The following CLIC5 variants were observed in gnomAD, a reference collection of about 807,000 sequenced individuals.
The protein encoded by CLIC5 is chloride intracellular channel protein 5.
In CLIC5, 20 loss-of-function variants were observed where a neutral mutation model predicts 24.7. The ratio of observed to expected loss-of-function variants is 0.81; its 90% confidence interval spans 0.57 to 1.18. The LOEUF (loss-of-function observed/expected upper bound fraction) is 1.18. Among genes scored for constraint, CLIC5 ranks in the 50% most tolerant of loss-of-function variants. The pLI, the probability that CLIC5 is intolerant of heterozygous loss-of-function variation, is 0.00. For synonymous variants in CLIC5, 159 were observed against 135.6 expected (o/e 1.17, Z -1.20); for missense variants, 341 against 326.1 (o/e 1.05, Z -0.35).
At chr6:45,985,185 C>A (rs150269721) in intron 1 of CLIC5, among the ~76,000 whole-genome samples, 321 of 152,278 alleles carry the variant, frequency 2.1e-3, no homozygotes, top group Non-Finnish European at 3.7e-3. Flanking sequence ...AAGAGCCTGG[C>A]CCCTCTGGGA....
At chr6:46,074,099 T>C (rs891319130) in intron 1 of CLIC5, among the ~76,000 whole-genome samples, 1 of 152,168 alleles carries the variant, frequency 6.6e-6, no homozygotes, top group African/African-American at 2.4e-5. Flanking sequence ...TTTTTAAAAT[T>C]GCATATCCCT....
At chr6:45,962,236 G>C (rs1764870752) in intron 1 of CLIC5, among the ~76,000 whole-genome samples, 1 of 151,210 alleles carries the variant, frequency 6.6e-6, no homozygotes, top group African/African-American at 2.4e-5. Flanking sequence ...GGTGTGAAGA[G>C]AGAGAGATTT....
intron 1 of CLIC5, among the ~76,000 whole-genome samples, chr6:45,975,213 G>C (rs3777599): frequency 2.0e-5 from 3 of 151,910 alleles, no homozygotes; most frequent in Non-Finnish European, 2.9e-5. Flanking sequence ...TGTAGCTTTG[G>C]TGAGGCACAC....
chr6:45,948,787 G>C (rs1322643072), intron 3 of CLIC5, among the ~76,000 whole-genome samples: 1 of 152,066 alleles, frequency 6.6e-6, no homozygotes, highest in Non-Finnish European at 1.5e-5. Context: ...CTGTTTAATT[G>C]TGGACTCAGA....
At chr6:46,045,860 A>G (rs1767939335) in intron 1 of CLIC5, among the ~76,000 whole-genome samples, 2 of 152,206 alleles carry the variant, frequency 1.3e-5, no homozygotes, top group African/African-American at 2.4e-5. Context: ...CTTCTATGAA[A>G]TAGTATTCAT....
intron 2 of CLIC5, among the ~76,000 whole-genome samples, chr6:45,954,741 C>G (rs757746512): frequency 2.0e-5 from 3 of 152,192 alleles, no homozygotes; most frequent in Non-Finnish European, 4.4e-5. Context: ...GGGTCTAGAT[C>G]ACAACTCTCT....
intron 1 of CLIC5, among the ~76,000 whole-genome samples, chr6:46,029,125 T>G (rs1431537239): frequency 6.6e-6 from 1 of 152,172 alleles, no homozygotes; most frequent in Non-Finnish European, 1.5e-5. Context: ...GGTTCTTCCA[T>G]GCCTTTCATG....
At chr6:46,104,226 T>A in the CLIC5 span, among the ~76,000 whole-genome samples, 1 of 152,192 alleles carries the variant, frequency 6.6e-6, no homozygotes, top group Non-Finnish European at 1.5e-5. Flanking sequence ...GTCAGAAAGA[T>A]GGGTACTGGA....
At chr6:45,919,701 T>G (rs1256989400) in intron 4 of CLIC5, among the ~76,000 whole-genome samples, 2 of 152,102 alleles carry the variant, frequency 1.3e-5, no homozygotes, top group African/African-American at 4.8e-5. Flanking sequence ...AATAAAAGAG[T>G]TTAGAACATC....
chr6:46,071,178 T>C (rs1762584690), intron 1 of CLIC5, among the ~76,000 whole-genome samples: 2 of 152,138 alleles, frequency 1.3e-5, no homozygotes, highest in Admixed American at 6.6e-5. Context: ...AAAGATTTCA[T>C]GACAAAGATG....
In CLIC5 at chr6:45,920,279, G is replaced by T. The variant is rs1387533409; in HGVS notation, c.407-5870C>A. On this transcript the variant is annotated intron_variant, in intron 4 of 5. Coordinates refer to ENST00000339561, the MANE Select transcript of CLIC5 (RefSeq NM_016929.5). ...ACCCATCACATCACTTTTCAACTCT[G>T]CCTGTACTAGGGGCCAGTGCTGTCA... is the stretch of plus-strand genomic sequence containing the variant. 7.1e-6 allele frequency: 7 copies of T among 984,616 alleles called. No homozygotes were observed. The African/African-American group carries it at 8.7e-5, about 12-fold the overall frequency. The allele number at this position is 984,616 out of a possible 1,614,324, so 61.0% of individuals were successfully genotyped here.
chr6:46,090,184 A>T, the CLIC5 span, among the ~76,000 whole-genome samples: 1 of 152,242 alleles, frequency 6.6e-6, no homozygotes, highest in Non-Finnish European at 1.5e-5. Context: ...ATACAATAAA[A>T]ATGAACACGT....
intron 5 of CLIC5, chr6:45,911,559 A>G (rs1762821037): frequency 2.1e-6 from 2 of 969,616 alleles, no homozygotes; most frequent in South Asian, 4.8e-5. Flanking sequence ...AGGGTCTCCA[A>G]TAAGATAAAG....
At chr6:45,890,613 C>G (rs1040252296) in intron 6 of CLIC5, among the ~76,000 whole-genome samples, 1 of 152,136 alleles carries the variant, frequency 6.6e-6, no homozygotes, top group African/African-American at 2.4e-5. Flanking sequence ...GTCTGCACTC[C>G]CATGTTCATT....
intron 1 of CLIC5, among the ~76,000 whole-genome samples, chr6:46,033,140 C>T (rs750132522): frequency 1.3e-5 from 2 of 151,916 alleles, no homozygotes; most frequent in Non-Finnish European, 2.9e-5. Flanking sequence ...AGGCATGTGC[C>T]ACCACGCCCA....
At chr6:45,906,966 A>G (rs1762679194) in intron 5 of CLIC5, among the ~76,000 whole-genome samples, 4 of 152,248 alleles carry the variant, frequency 2.6e-5, no homozygotes, top group Admixed American at 2.0e-4. Flanking sequence ...CATCACCAGT[A>G]AAGAGAGAGA....
chr6:45,887,465 T>C (rs903179072), intron 6 of CLIC5, among the ~76,000 whole-genome samples: 1 of 152,216 alleles, frequency 6.6e-6, no homozygotes, highest in African/African-American at 2.4e-5. Context: ...TCATACTGGA[T>C]TAAGGTGAGC....
chr6:45,919,916 A>G (rs1423084214), intron 4 of CLIC5, among the ~76,000 whole-genome samples: 7 of 152,188 alleles, frequency 4.6e-5, no homozygotes, highest in African/African-American at 7.2e-5. Flanking sequence ...GATTAGCTCT[A>G]TTATAATTTA....
In CLIC5 at chr6:45,922,484, C is replaced by G. The variant is rs189421344; in HGVS notation, c.407-8075G>C. On this transcript the variant is annotated intron_variant, in intron 4 of 5. Transcript: ENST00000339561. ...CTCCACAAATCACCCTTATATTTGG[C>G]GTATGTTCAGAAGTATTAGTACAAC... Among the ~76,000 whole-genome samples, 3 of 152,070 alleles carry G rather than the reference C, an allele frequency of 2.0e-5. 1 individual carries two copies. In the South Asian group the frequency reaches 6.2e-4, roughly 32 times the overall value.
Sources: gnomAD v4.1 joint callset for allele counts (sites outside exome capture counted in the v4.1 genomes callset) on GRCh38, gnomAD v4.1.1 for gene constraint, MANE v1.5 for transcripts, NCBI Gene and HGNC (gene_info 2026-07-23, HGNC 2026-07-21) for gene names.